ATP8A2: variants seen among roughly 807,000 people sequenced by gnomAD.
ATP8A2 encodes phospholipid-transporting ATPase IB.
ATP8A2 carries 100 observed loss-of-function variants against 165.6 expected under a neutral mutation model. The ratio of observed to expected loss-of-function variants is 0.60; its 90% CI spans 0.51 to 0.71. ATP8A2 has a LOEUF of 0.71. ATP8A2 is among the 30% of genes least tolerant of loss of function. The pLI is 0.00. For missense variants in ATP8A2, 1,227 were observed against 1,479.5 expected (o/e 0.83, Z 2.80); for synonymous variants, 543 against 548.8 (o/e 0.99, Z 0.15).
chr13:25,734,295 A>G (rs1444771049), intron 25 of ATP8A2, among the ~76,000 whole-genome samples: 2 of 152,222 alleles, frequency 1.3e-5, no homozygotes, highest in Non-Finnish European at 2.9e-5. Flanking sequence ...AGCTGGGAGT[A>G]GGAGCTAGGC....
At chr13:25,554,051 C>A in intron 12 of ATP8A2, 131 bp downstream of exon 12, 2 of 965,552 alleles carry the variant, frequency 2.1e-6, no homozygotes, top group Non-Finnish European at 3.0e-6. Flanking sequence ...ACTGGCCATA[C>A]AAAGAACTGG....
intron 10 of ATP8A2, among the ~76,000 whole-genome samples, chr13:25,548,892 T>A (rs2038733168): frequency 6.6e-6 from 1 of 152,228 alleles, no homozygotes; most frequent in Admixed American, 6.5e-5. Context: ...CCAATAGAAT[T>A]CAAATAACAA....
chr13:25,524,466 C>A (rs2037771826), intron 2 of ATP8A2, among the ~76,000 whole-genome samples: 1 of 152,046 alleles, frequency 6.6e-6, no homozygotes, highest in Non-Finnish European at 1.5e-5. Context: ...AAGCTGAGGT[C>A]CCCTACTACT....
chr13:25,882,280 G>T (rs1344158972), intron 33 of ATP8A2, among the ~76,000 whole-genome samples: 1 of 152,136 alleles, frequency 6.6e-6, no homozygotes, highest in African/African-American at 2.4e-5. Context: ...GAACTGGAGA[G>T]GCTGTGTTAG....
chr13:25,963,187 C>T (rs1444812792), intron 34 of ATP8A2, among the ~76,000 whole-genome samples: 1 of 151,936 alleles, frequency 6.6e-6, no homozygotes, highest in African/African-American at 2.4e-5. Flanking sequence ...CAAGGTCAAG[C>T]AGTCAAGACC....
intron 25 of ATP8A2, among the ~76,000 whole-genome samples, chr13:25,755,834 G>A (rs2044249494): frequency 6.6e-6 from 1 of 152,116 alleles, no homozygotes; most frequent in East Asian, 1.9e-4. Flanking sequence ...TTGAACCTGG[G>A]AGGTGGACGT....
intron 25 of ATP8A2, among the ~76,000 whole-genome samples, chr13:25,714,123 A>AAAGGAAGGAAGG (rs71808617): frequency 6.6e-6 from 1 of 151,348 alleles, no homozygotes; most frequent in African/African-American, 2.4e-5. Flanking sequence ...TAAAAGAAAG[A>AAAGGAAGGAAGG]AAGGAAGGAA....
At chr13:25,947,602 A>G (rs917594054) in intron 33 of ATP8A2, among the ~76,000 whole-genome samples, 1 of 152,186 alleles carries the variant, frequency 6.6e-6, no homozygotes, top group Non-Finnish European at 1.5e-5. Context: ...GGAGAAGATA[A>G]AGATAAACAT....
chr13:25,662,286 C>T (rs1157623067), intron 24 of ATP8A2, among the ~76,000 whole-genome samples: 1 of 152,160 alleles, frequency 6.6e-6, no homozygotes, highest in Non-Finnish European at 1.5e-5. Context: ...AAAGGAAGCT[C>T]ACACCCCAGT....
intron 33 of ATP8A2, among the ~76,000 whole-genome samples, chr13:25,892,538 G>T (rs1270946726): frequency 7.0e-6 from 1 of 142,562 alleles, no homozygotes; most frequent in Non-Finnish European, 1.5e-5. Flanking sequence ...TACTGGGAAT[G>T]AAAAATAAGT....
chr13:25,679,730 G>T (rs996557308), intron 24 of ATP8A2, among the ~76,000 whole-genome samples: 4 of 152,184 alleles, frequency 2.6e-5, no homozygotes, highest in African/African-American at 7.2e-5. Context: ...TGTTAAGGAT[G>T]ATCTGGAGAG....
At chr13:25,507,688 CAGTA>C (rs981446846) in intron 2 of ATP8A2, among the ~76,000 whole-genome samples, 1 of 152,054 alleles carries the variant, frequency 6.6e-6, no homozygotes, top group African/African-American at 2.4e-5. Context: ...ATAAAAAAGT[CAGTA>C]AAGACAATCT....
In ATP8A2 at chr13:25,408,770, G is replaced by C. The variant is rs959161330; in HGVS notation, c.76+36482G>C. Reference sequence around the variant, plus strand: ...TCTTATGCTTTGGGACCACTTTCTTGGTTCCTTGCTCAGCTAGTTCAAGGA... The same window carrying C: ...TCTTATGCTTTGGGACCACTTTCTTCGTTCCTTGCTCAGCTAGTTCAAGGA... On this transcript the variant is annotated intron_variant, in intron 1 of 36. Coordinates refer to ENST00000381655, the MANE Select transcript of ATP8A2 (RefSeq NM_016529.6). Among the ~76,000 whole-genome samples the C allele has an allele frequency of 2.2e-4, 33 of 151,998 alleles. 1 individual carries two copies. Among genetic ancestry groups the C allele is most frequent in the African/African-American group, 7.5e-4 (31 of 41,380 alleles).
chr13:25,480,615 G>A (rs1237885250), intron 2 of ATP8A2, among the ~76,000 whole-genome samples: 37 of 151,160 alleles, frequency 2.4e-4, no homozygotes, highest in African/African-American at 8.5e-4. Flanking sequence ...GGGAAGAGGC[G>A]CTCCTCACTT....
At chr13:25,855,726 C>A (rs1233164570) in intron 30 of ATP8A2, among the ~76,000 whole-genome samples, 1 of 152,152 alleles carries the variant, frequency 6.6e-6, no homozygotes. Flanking sequence ...ACATAACGCT[C>A]TGAGGAACTG....
intron 7 of ATP8A2, among the ~76,000 whole-genome samples, chr13:25,539,296 TA>T (rs1033580513): frequency 2.6e-4 from 40 of 152,194 alleles, no homozygotes; most frequent in African/African-American, 9.4e-4. Context: ...GGCTCATTTT[TA>T]AAAATTTTTT....
At chr13:25,734,026 T>A (rs1476347617) in intron 25 of ATP8A2, among the ~76,000 whole-genome samples, 4 of 152,228 alleles carry the variant, frequency 2.6e-5, no homozygotes, top group African/African-American at 9.6e-5. Context: ...ACAAACAAGA[T>A]CAAATTACCC....
intron 30 of ATP8A2, among the ~76,000 whole-genome samples, chr13:25,856,745 C>A (rs1421055179): frequency 6.6e-6 from 1 of 152,134 alleles, no homozygotes; most frequent in African/African-American, 2.4e-5. Flanking sequence ...GCAATAACTC[C>A]TCCTTCTCCC....
chr13:25,529,012 T>C (rs1233943905), intron 2 of ATP8A2, among the ~76,000 whole-genome samples: 3 of 152,094 alleles, frequency 2.0e-5, no homozygotes, highest in Non-Finnish European at 4.4e-5. Flanking sequence ...GTGTGTGATG[T>C]TCCTCTTCCT....
Sources: allele counts gnomAD v4.1 joint callset (sites outside exome capture counted in the v4.1 genomes callset), GRCh38; gene constraint gnomAD v4.1.1; transcripts MANE v1.5; gene names NCBI Gene and HGNC (gene_info 2026-07-23, HGNC 2026-07-21).